BUB1: variants seen among roughly 807,000 people sequenced by gnomAD.
BUB1 encodes BUB1 mitotic checkpoint serine/threonine kinase, also known as mitotic checkpoint serine/threonine-protein kinase BUB1.
A neutral mutation model predicts 135.2 loss-of-function variants in BUB1; 84 were observed. That is an observed-to-expected ratio of 0.62 (90% CI 0.52 to 0.74). The LOEUF is 0.74. Ranked by LOEUF, BUB1 falls within the 30% of genes least tolerant of loss-of-function variation. The probability of loss-of-function intolerance (pLI) is 0.00; values close to 1 mark genes in which losing one functional copy is unlikely to be tolerated. For synonymous variants in BUB1, 403 were observed against 434.4 expected, an observed-to-expected ratio of 0.93 and a Z score of 0.90; for missense variants, 1,162 against 1,288.3, an observed-to-expected ratio of 0.90 and a Z score of 1.50.
chr2:110,667,985 TTA>T (rs1242475676), intron 6 of BUB1, 136 bp from the exon 7 acceptor site: 1 of 702,666 alleles, frequency 1.4e-6, no homozygotes, highest in East Asian at 2.7e-5. Flanking sequence ...TAATTTTAAA[TTA>T]TGATTAATAT....
rs778229339 is a variant in BUB1, at chr2:110,655,841, G to GT, written c.1773dup (p.Pro592ThrfsTer4). On this transcript the variant is annotated frameshift_variant, in exon 16 of 25. Coordinates refer to ENST00000302759, the MANE Select transcript of BUB1 (RefSeq NM_004336.5). LOFTEE classifies it high-confidence loss of function. Reference sequence around the variant, plus strand: ...AAGTCTCCTGGGCTCTTAGGACTGGGTGCCAGGGTTTTGTTGCAGCGAATA... The same window carrying GT: ...AAGTCTCCTGGGCTCTTAGGACTGGGTTGCCAGGGTTTTGTTGCAGCGAATA... The GT allele has an allele frequency of 6.2e-7, 1 of 1,614,006 alleles. No homozygotes were observed. Among genetic ancestry groups the GT allele is most frequent in the South Asian group, 1.1e-5 (1 of 91,076 alleles).
intron 4 of BUB1, among the ~76,000 whole-genome samples, chr2:110,671,008 T>C (rs1013539738): frequency 6.6e-6 from 1 of 152,220 alleles, no homozygotes; most frequent in East Asian, 1.9e-4. Flanking sequence ...TCATACTCTG[T>C]GAGAAGTTCT....
chr2:110,650,075 T>C (rs1476146127), intron 18 of BUB1, among the ~76,000 whole-genome samples: 2 of 151,742 alleles, frequency 1.3e-5, no homozygotes, highest in Admixed American at 6.6e-5. Flanking sequence ...ATATGGAAAA[T>C]TGAAATGATC....
chr2:110,641,485 A>C, intron 21 of BUB1, 21 bp from the exon 22 acceptor site: 1 of 1,591,596 alleles, frequency 6.3e-7, no homozygotes, highest in Non-Finnish European at 8.5e-7. Flanking sequence ...TGGAAAGTGG[A>C]ATCCTGAGTT....
chr2:110,674,257 G>A, intron 2 of BUB1, 33 bp from the exon 3 acceptor site: 3 of 1,612,116 alleles, frequency 1.9e-6, no homozygotes, highest in South Asian at 2.2e-5. Flanking sequence ...AATTTTCCAT[G>A]GGGCAGTGTA....
At chr2:110,657,738 C>A (rs1689970987) in intron 13 of BUB1, 93 bp from the exon 14 acceptor site, 2 of 872,820 alleles carry the variant, frequency 2.3e-6, no homozygotes, top group African/African-American at 1.7e-5. Context: ...AAAGGACTAA[C>A]AGCTGACAGA....
rs1207176805 is a variant in BUB1 at position 110,678,000 on chromosome 2, A to G, written c.-5T>C. On this transcript the variant is annotated 5_prime_UTR_variant, in exon 1 of 25. Coordinates refer to ENST00000302759, the MANE Select transcript of BUB1 (RefSeq NM_004336.5). ...GACATTTTCCGGGGTGTCCATGGCC[A>G]GAGGACGCTGGCCGGCAGCGGCCAA... The G allele has an allele frequency of 2.5e-6, 4 of 1,606,632 alleles. No homozygotes were observed. The East Asian group carries it at 9.0e-5, about 36-fold the overall frequency.
At chr2:110,674,390 T>C (rs780137071) in intron 1 of BUB1, 25 bp from the exon 2 acceptor site, 12 of 1,609,292 alleles carry the variant, frequency 7.5e-6, no homozygotes, top group Admixed American at 1.7e-5. Context: ...GGTATGCACA[T>C]GGGATATTAG....
At chr2:110,660,914 T>C (rs1690065843) in intron 10 of BUB1, 1 of 152,254 alleles carries the variant, frequency 6.6e-6, no homozygotes, top group African/African-American at 2.4e-5. Flanking sequence ...GGATCTAACA[T>C]GTCTATTTAA....
chr2:110,638,077 A>C lies in BUB1; in HGVS notation c.3145T>G (p.Leu1049Val). Residue 1049 changes from leucine to valine, a missense_variant, in exon 25 of 25, where the codon TTG (leucine) becomes GTG (valine). Physicochemically the swap from Leu to Val is conservative, Grantham distance 32. Coordinates refer to ENST00000302759, the MANE Select transcript of BUB1 (RefSeq NM_004336.5). ...ACTTTCTTCAGCTTTTGCCTTAACA[A>C]ATCCAAAGATGGAAGATGATGACAA... ...PDCHHLPSLD[L>V]LRQKLKKVFQ... 1 of 1,613,058 alleles carries C rather than the reference A, an allele frequency of 6.2e-7. No homozygotes were observed. The highest frequency in any genetic ancestry group is 8.5e-7 in the Non-Finnish European group (1 of 1,179,590).
chr2:110,663,890 A>ATGG (rs1250565179), intron 9 of BUB1, among the ~76,000 whole-genome samples: 1 of 151,946 alleles, frequency 6.6e-6, no homozygotes, highest in African/African-American at 2.4e-5. Flanking sequence ...TTAGCCAGGC[A>ATGG]TGGTGGCAGG....
chr2:110,668,264 T>C (rs953953356), intron 6 of BUB1, among the ~76,000 whole-genome samples: 1 of 152,098 alleles, frequency 6.6e-6, no homozygotes, highest in Non-Finnish European at 1.5e-5. Flanking sequence ...AGTTCTCAAA[T>C]TCCTTCACTA....
At chr2:110,666,137 G>T (rs1224860639) in intron 9 of BUB1, 126 bp downstream of exon 9, 1 of 971,322 alleles carries the variant, frequency 1.0e-6, no homozygotes, top group Non-Finnish European at 1.3e-6. Context: ...AATTATTTTA[G>T]ACTTTCAGAA....
Position 110,648,826 on chromosome 2 carries a change from C to T in BUB1, c.2347+408G>A, listed in dbSNP as rs1401123256. The T allele has an allele frequency of 6.6e-6, 1 of 152,582 alleles. No homozygotes were observed. Among genetic ancestry groups the T allele is most frequent in the African/African-American group, 2.4e-5 (1 of 41,442 alleles). The allele number at this position is 152,582 out of a possible 1,614,324, so 9.5% of individuals were successfully genotyped here. On this transcript the variant is annotated intron_variant, in intron 19 of 24. Coordinates refer to ENST00000302759, the MANE Select transcript of BUB1 (RefSeq NM_004336.5). This position sits in a 1 kb window ranked among gnomAD's most constrained non-coding sequence, Gnocchi z 4.2. The stretch of plus-strand genomic sequence containing the variant: ...GTGGCATATAATACATACGGCTCTG[C>T]CCTTTTAACAGTATGGTATGTTTTG...
At chr2:110,668,022 C>G (rs912904465) in intron 6 of BUB1, among the ~76,000 whole-genome samples, 173 bp from the exon 7 acceptor site, 3 of 152,024 alleles carry the variant, frequency 2.0e-5, no homozygotes, top group African/African-American at 7.3e-5. Flanking sequence ...TATCAACAAC[C>G]TTACAATAAC....
In BUB1 at chr2:110,661,832, C is replaced by A. The variant is rs758411496; in HGVS notation, c.967G>T (p.Ala323Ser). 1.4e-5 allele frequency: 22 copies of A among 1,613,254 alleles called. No individual in the cohort carries two copies. The highest frequency in any genetic ancestry group is 1.4e-5 in the Non-Finnish European group (16 of 1,179,678). ...GAGCCTACACTTGGCCCCATACGTG[C>A]TGGATTAACCTTTCATATTAAACAA... ...ASQERSEVNP[A>S]RMGPSVGSQQ... The change falls in exon 10 of 25, where the codon GCA becomes TCA. Residue 323 changes from alanine to serine, a missense_variant. By Grantham distance (99) the Ala-to-Ser change is moderately conservative (BLOSUM62 1). Coordinates refer to ENST00000302759, the MANE Select transcript of BUB1 (RefSeq NM_004336.5).
chr2:110,641,154 A>T lies in BUB1; in HGVS notation c.2835T>A (p.Ile945=). 1 of 1,612,714 alleles carries T rather than the reference A, an allele frequency of 6.2e-7. No homozygotes were observed. The change falls in exon 23 of 25, where the codon ATT becomes ATA. Residue 945 remains isoleucine (I), a synonymous_variant. Transcript: ENST00000302759. ...TCATATCTATACTCTGACCCAGGTC[A>T]ATCAGTGCCAAGCCAGCAGATAAAT... ...EDDLSAGLAL[I]DLGQSIDMKL...
intron 6 of BUB1, among the ~76,000 whole-genome samples, chr2:110,668,745 C>T (rs994626294): frequency 6.6e-6 from 1 of 152,168 alleles, no homozygotes; most frequent in South Asian, 2.1e-4. Context: ...AGAAGGCCAC[C>T]TTTTCTCACA....
At position 110,637,702 on chromosome 2, in the gene BUB1, T is replaced by A; in HGVS notation, c.*262A>T. 1 of 273,404 alleles carries A rather than the reference T, an allele frequency of 3.7e-6. No individual in the cohort carries two copies. The highest frequency in any genetic ancestry group is 6.7e-6 in the Non-Finnish European group (1 of 148,212). 16.9% of individuals were successfully genotyped at this position (273,404 alleles called of 1,614,324 possible). ...CTTAAACAGGTCAGTGTTTAAAAAG[T>A]GATTTCTAGAGAATGCTCATGTCTG... On this transcript the variant is annotated 3_prime_UTR_variant, in exon 25 of 25. Transcript: ENST00000302759.
Sources: gnomAD v4.1 joint callset for allele counts (sites outside exome capture counted in the v4.1 genomes callset) on GRCh38, gnomAD v4.1.1 for gene constraint, Gnocchi (gnomAD v3.1) non-coding constraint, MANE v1.5 for transcripts, NCBI Gene and HGNC (gene_info 2026-07-23, HGNC 2026-07-21) for gene names.